RFTN1: variants seen among roughly 807,000 people sequenced by gnomAD.
The protein encoded by RFTN1 is raftlin.
In RFTN1, 26 loss-of-function variants were observed where a neutral mutation model predicts 46.5. That is an observed-to-expected ratio of 0.56 (90% CI 0.41 to 0.78). RFTN1 has a LOEUF of 0.78. Among genes scored for constraint, RFTN1 ranks in the 30% least tolerant of loss-of-function variants. The pLI, the probability that RFTN1 is intolerant of heterozygous loss-of-function variation, is 0.00. For synonymous variants in RFTN1, 261 were observed against 284.2 expected, an observed-to-expected ratio of 0.92 and a Z score of 0.82; for missense variants, 693 against 718.7, an observed-to-expected ratio of 0.96 and a Z score of 0.41.
chr3:16,384,456 C>T lies in RFTN1; in HGVS notation c.442-6354G>A, dbSNP rs1229170897. ...AGACAACTAGGACTTCATCTGGTAT[C>T]GATTCCAGGTCCTACGTGAGAGGCT... On this transcript the variant is annotated intron_variant, in intron 4 of 9. Transcript: ENST00000334133. The surrounding 1 kb of genome is among the most constrained non-coding windows in gnomAD (Gnocchi z 4.7). Among the ~76,000 whole-genome samples the T allele has an allele frequency of 6.6e-6, 1 of 152,168 alleles. No individual in the cohort carries two copies. The highest frequency in any genetic ancestry group is 1.5e-5 in the Non-Finnish European group (1 of 68,032).
rs1486070922 is a variant in RFTN1, at chr3:16,484,611, T to G, written c.145+9114A>C. On this transcript the variant is annotated intron_variant, in intron 2 of 9. Transcript: ENST00000334133. This position sits in a 1 kb window ranked among gnomAD's most constrained non-coding sequence, Gnocchi z 4.6. ...ATGGGAATGTCTTATAAGGAGGAAC[T>G]TAAGAATAGAAATAGAAGAAGACAA... The G allele has an allele frequency of 6.6e-6, 1 of 152,154 alleles. No homozygotes were observed. The highest frequency in any genetic ancestry group is 2.4e-5 in the African/African-American group (1 of 41,440). The allele number at this position is 152,154 out of a possible 1,614,324, so 9.4% of individuals were successfully genotyped here. A position where few individuals can be genotyped will look rare whatever the true frequency, so the allele number is the denominator to read the frequency against.
Position 16,498,974 on chromosome 3 carries a change from T to C in RFTN1, c.-8-5097A>G, listed in dbSNP as rs1056372940. Among the ~76,000 whole-genome samples, 1 of 152,212 alleles carries C rather than the reference T, an allele frequency of 6.6e-6. No homozygotes were observed. Among genetic ancestry groups the C allele is most frequent in the Non-Finnish European group, 1.5e-5 (1 of 68,040 alleles). ...CCAAACCATGCTCACATTAGAATCC[T>C]GCAAGAGGATGGAGGCAAAAGATGG... is the stretch of plus-strand genomic sequence containing the variant. On this transcript the variant is annotated intron_variant, in intron 1 of 9. Transcript: ENST00000334133. This position sits in a 1 kb window ranked among gnomAD's most constrained non-coding sequence, Gnocchi z 5.2.
At chr3:16,330,649 A>G (rs1477781252) in intron 7 of RFTN1, among the ~76,000 whole-genome samples, 1 of 152,268 alleles carries the variant, frequency 6.6e-6, no homozygotes, top group Non-Finnish European at 1.5e-5. Context: ...GTGTTAAAAA[A>G]TGGAGCATGT....
rs2075135974 is a variant in RFTN1 at position 16,418,960 on chromosome 3, A to G, written c.333-9477T>C. On this transcript the variant is annotated intron_variant, in intron 3 of 9. Coordinates refer to ENST00000334133, the MANE Select transcript of RFTN1 (RefSeq NM_015150.2). This position sits in a 1 kb window ranked among gnomAD's most constrained non-coding sequence, Gnocchi z 5.0. ...TGAGAATTCAATTATTTCCAGTGTC[A>G]AGGATCAGGGGAAAATTTAAGGAGC... Among the ~76,000 whole-genome samples, 1 of 152,170 alleles carries G rather than the reference A, an allele frequency of 6.6e-6. No individual in the cohort carries two copies. Among genetic ancestry groups the G allele is most frequent in the South Asian group, 2.1e-4 (1 of 4,826 alleles).
At chr3:16,482,702 G>T in intron 2 of RFTN1, 2 of 1,366,424 alleles carry the variant, frequency 1.5e-6, no homozygotes, top group Non-Finnish European at 2.0e-6. Flanking sequence ...TGCCACATTA[G>T]CTGTTATTAC....
Position 16,493,804 on chromosome 3 carries a change from A to G in RFTN1, c.66T>C (p.Thr22=), listed in dbSNP as rs371790745. 6.2e-7 allele frequency: 1 copy of G among 1,614,026 alleles called. No homozygotes were observed. The highest frequency in any genetic ancestry group is 8.5e-7 in the Non-Finnish European group (1 of 1,180,046). Residue 22 remains threonine, a synonymous_variant, in exon 2 of 10, where the codon ACT becomes ACC. Transcript: ENST00000334133. ...TGGTTTCCACCTGAGGCCTCTTCAAAGTTGAATAAATATTCCCAGGCCGTT... is the reference window on the plus strand; with the variant it reads ...TGGTTTCCACCTGAGGCCTCTTCAAGGTTGAATAAATATTCCCAGGCCGTT... ...DEKRPGNIYS[T]LKRPQVETKI... is the part of the protein sequence containing the mutation.
Position 16,380,148 on chromosome 3 carries a change from G to C in RFTN1, c.442-2046C>G, listed in dbSNP as rs575343388. Reference sequence around the variant, plus strand: ...AGTTTAAAGGCTTTTGGAAAGGCCTGATGTGGAGCCCCAGATACGTGACTC... The same window carrying C: ...AGTTTAAAGGCTTTTGGAAAGGCCTCATGTGGAGCCCCAGATACGTGACTC... On this transcript the variant is annotated intron_variant, in intron 4 of 9. Transcript: ENST00000334133. The surrounding 1 kb of genome is among the most constrained non-coding windows in gnomAD (Gnocchi z 4.8). Among the ~76,000 whole-genome samples the C allele has an allele frequency of 2.0e-5, 3 of 152,224 alleles. No homozygotes were observed. Among genetic ancestry groups the C allele is most frequent in the Non-Finnish European group, 4.4e-5 (3 of 68,042 alleles).
rs372093985 is a variant in RFTN1 at position 16,384,096 on chromosome 3, T to C, written c.442-5994A>G. Among the ~76,000 whole-genome samples, 23 of 152,358 alleles carry C rather than the reference T, an allele frequency of 1.5e-4. No homozygotes were observed. The highest frequency in any genetic ancestry group is 5.5e-4 in the African/African-American group (23 of 41,590). The stretch of plus-strand genomic sequence containing the variant: ...AGGTGAAGGCTTTAAGAGCCAAGAC[T>C]GAGATTTCCCAAAGGAAAAAGAATT... On this transcript the variant is annotated intron_variant, in intron 4 of 9. Transcript: ENST00000334133. This position sits in a 1 kb window ranked among gnomAD's most constrained non-coding sequence, Gnocchi z 4.7.
At chr3:16,394,811 A>T (rs1298609254) in intron 4 of RFTN1, among the ~76,000 whole-genome samples, 1 of 152,188 alleles carries the variant, frequency 6.6e-6, no homozygotes, top group African/African-American at 2.4e-5. Context: ...GACAAGAAAA[A>T]TCAACTCTCC....
intron 3 of RFTN1, among the ~76,000 whole-genome samples, chr3:16,411,482 G>A (rs183366681): frequency 4.6e-4 from 70 of 152,198 alleles, no homozygotes; most frequent in Admixed American, 1.4e-3. Flanking sequence ...GTACTGTGGC[G>A]CATACATTCA....
rs2075764511 is a variant in RFTN1, at chr3:16,448,106, G to A, written c.146-14069C>T. Among the ~76,000 whole-genome samples the A allele has an allele frequency of 6.6e-6, 1 of 150,714 alleles. No individual in the cohort carries two copies. The highest frequency in any genetic ancestry group is 1.5e-5 in the Non-Finnish European group (1 of 67,780). ...CCAAAGTATAAATAAATACACACAG[G>A]ATTTCAAAGACTTGGTAAAAAAAAA... On this transcript the variant is annotated intron_variant, in intron 2 of 9. Coordinates refer to ENST00000334133, the MANE Select transcript of RFTN1 (RefSeq NM_015150.2). This position sits in a 1 kb window ranked among gnomAD's most constrained non-coding sequence, Gnocchi z 4.1.
intron 2 of RFTN1, among the ~76,000 whole-genome samples, chr3:16,462,560 A>T (rs896674221): frequency 6.6e-6 from 1 of 152,252 alleles, no homozygotes; most frequent in Non-Finnish European, 1.5e-5. Flanking sequence ...AGAAGGCAAT[A>T]TGAAGACAGA....
At chr3:16,463,745 T>C (rs1021140759) in intron 2 of RFTN1, among the ~76,000 whole-genome samples, 12 of 152,184 alleles carry the variant, frequency 7.9e-5, no homozygotes, top group African/African-American at 2.9e-4. Flanking sequence ...TAATTTTTGA[T>C]TGAATACCAG....
intron 4 of RFTN1, among the ~76,000 whole-genome samples, chr3:16,378,353 T>C (rs557710551): frequency 4.6e-5 from 7 of 152,242 alleles, no homozygotes; most frequent in Non-Finnish European, 8.8e-5. Context: ...TTTGAAGAGT[T>C]GAAATCACTA....
At position 16,403,029 on chromosome 3, in the gene RFTN1, G is replaced by A. The variant is rs570980423; in HGVS notation, c.441+6346C>T. ...AGGGCAGGGAGCGTGGCTTTCTCCCGCAGGCAGGACGAGGCAATTTCCATC... is the reference window on the plus strand; with the variant it reads ...AGGGCAGGGAGCGTGGCTTTCTCCCACAGGCAGGACGAGGCAATTTCCATC... On this transcript the variant is annotated intron_variant, in intron 4 of 9. Coordinates refer to ENST00000334133, the MANE Select transcript of RFTN1 (RefSeq NM_015150.2). 9.2e-5 allele frequency among the ~76,000 whole-genome samples: 14 copies of A among 152,266 alleles called. No individual in the cohort carries two copies. The South Asian group carries it at 1.7e-3, about 18-fold the overall frequency.
At chr3:16,386,860 A>G (rs1445004621) in intron 4 of RFTN1, among the ~76,000 whole-genome samples, 2 of 152,202 alleles carry the variant, frequency 1.3e-5, no homozygotes, top group African/African-American at 4.8e-5. Context: ...TACACTTGCT[A>G]TGGGAAAGGA....
rs2075806110 is a variant in RFTN1 at position 16,450,519 on chromosome 3, ACATGTCTCC to A, written c.146-16491_146-16483del. Among the ~76,000 whole-genome samples the A allele has an allele frequency of 6.6e-6, 1 of 152,162 alleles. No individual in the cohort carries two copies. Among genetic ancestry groups the A allele is most frequent in the African/African-American group, 2.4e-5 (1 of 41,430 alleles). The stretch of plus-strand genomic sequence containing the variant: ...GTCCACCAGCATCCTGTTCAGGTTA[ACATGTCTCC>A]CATGTCTATGCTCCCTCAGGTGGCT... On this transcript the variant is annotated intron_variant, in intron 2 of 9. Transcript: ENST00000334133. This position sits in a 1 kb window ranked among gnomAD's most constrained non-coding sequence, Gnocchi z 4.6.
chr3:16,379,204 T>C (rs925799715), intron 4 of RFTN1, among the ~76,000 whole-genome samples: 3 of 152,200 alleles, frequency 2.0e-5, no homozygotes, highest in African/African-American at 7.2e-5. Context: ...AGGTATTCTC[T>C]CTAAAGGAGA....
In RFTN1 at chr3:16,346,367, G is replaced by T. The variant is rs1410981132; in HGVS notation, c.1146+11565C>A. On this transcript the variant is annotated intron_variant, in intron 7 of 9. Coordinates refer to ENST00000334133, the MANE Select transcript of RFTN1 (RefSeq NM_015150.2). The surrounding 1 kb of genome is among the most constrained non-coding windows in gnomAD (Gnocchi z 4.4). ...AATTTTGTATATGAAGTGAAATATG[G>T]CTGTCTGAGAAAATAGGACAATTGA... is the stretch of plus-strand genomic sequence containing the variant. 2 of 152,174 alleles carry T rather than the reference G, an allele frequency of 1.3e-5. No homozygotes were observed. Among genetic ancestry groups the T allele is most frequent in the Non-Finnish European group, 2.9e-5 (2 of 68,028 alleles). The allele number at this position is 152,174 out of a possible 1,614,324, so 9.4% of individuals were successfully genotyped here.
Sources: gnomAD v4.1 joint callset for allele counts (sites outside exome capture counted in the v4.1 genomes callset) on GRCh38, gnomAD v4.1.1 for gene constraint, Gnocchi (gnomAD v3.1) non-coding constraint, MANE v1.5 for transcripts, NCBI Gene and HGNC (gene_info 2026-07-23, HGNC 2026-07-21) for gene names.